Variants in CCND1 observed in about 807,000 individuals in gnomAD.
CCND1 encodes the protein G1/S-specific cyclin-D1.
Under a neutral mutation model 26.1 loss-of-function variants are expected in CCND1, and 9 were observed. The observed-to-expected ratio is 0.35, with a 90% confidence interval of 0.21 to 0.60. The LOEUF is 0.60. Among genes scored for constraint, CCND1 ranks in the 20% least tolerant of loss-of-function variants. The pLI is 0.79. For synonymous variants in CCND1, 194 were observed against 166.1 expected, an observed-to-expected ratio of 1.17 and a Z score of -1.29; for missense variants, 335 against 392.9, an observed-to-expected ratio of 0.85 and a Z score of 1.25.
In CCND1 at chr11:69,648,015, C is replaced by T. The variant is rs1222442441; in HGVS notation, c.596C>T (p.Pro199Leu). The change falls in exon 4 of 5, where the codon CCG (proline) becomes CTG (leucine). Residue 199 changes from proline (P) to leucine (L), a missense_variant. Physicochemically the swap from Pro to Leu is moderately conservative, Grantham distance 98 (BLOSUM62 -3). Transcript: ENST00000227507. Reference protein sequence around the residue: ...CATDVKFISNPPSMVAAGSVV... With the variant: ...CATDVKFISNLPSMVAAGSVV... The stretch of plus-strand genomic sequence containing the variant: ...TCAGATGTGAAGTTCATTTCCAATC[C>T]GCCCTCCATGGTGGCAGCGGGGAGC... The T allele has an allele frequency of 3.7e-6, 6 of 1,613,924 alleles. No individual in the cohort carries two copies. The highest frequency in any genetic ancestry group is 5.1e-6 in the Non-Finnish European group (6 of 1,180,004).
rs753115532 is a variant in CCND1, at chr11:69,643,142, G to A, written c.310G>A (p.Ala104Thr). The A allele has an allele frequency of 6.2e-7, 1 of 1,609,788 alleles. No homozygotes were observed. Among genetic ancestry groups the A allele is most frequent in the African/African-American group, 1.3e-5 (1 of 74,772 alleles). The change falls in exon 2 of 5, where the codon GCC becomes ACC. Residue 104 changes from alanine (A) to threonine (T), a missense_variant. By Grantham distance (58) the Ala-to-Thr change is moderately conservative. Coordinates refer to ENST00000227507, the MANE Select transcript of CCND1 (RefSeq NM_053056.3). ...VKKSRLQLLG[A>T]TCMFVASKMK... ...AAAGAGCCGCCTGCAGCTGCTGGGG[G>A]CCACTTGCATGTTCGTGGCCTCTAA...
Position 69,641,288 on chromosome 11 carries a change from C to T in CCND1, c.-26C>T, listed in dbSNP as rs373594707. 3 of 1,604,578 alleles carry T rather than the reference C, an allele frequency of 1.9e-6. No homozygotes were observed. The African/African-American group carries it at 4.0e-5, about 21-fold the overall frequency. On this transcript the variant is annotated 5_prime_UTR_variant, in exon 1 of 5. Coordinates refer to ENST00000227507, the MANE Select transcript of CCND1 (RefSeq NM_053056.3). ...ACCCAGCCAGGACCCACAGCCCTCC[C>T]CAGCTGCCCAGGAAGAGCCCCAGCC...
At position 69,654,345 on chromosome 11, in the gene CCND1, C is replaced by T. The variant is rs565242482; in HGVS notation, c.*3063C>T. On this transcript the variant is annotated 3_prime_UTR_variant, in exon 5 of 5. Transcript: ENST00000227507. The surrounding 1 kb of genome is among the most constrained non-coding windows in gnomAD (Gnocchi z 6.3). Reference sequence around the variant, plus strand: ...CGCGCAAGTCTGAGGGTCTGGGCGGCGGGCGGCTGGGTCTGTGCATTTCTG... The same window carrying T: ...CGCGCAAGTCTGAGGGTCTGGGCGGTGGGCGGCTGGGTCTGTGCATTTCTG... The T allele has an allele frequency of 4.0e-5, 28 of 702,488 alleles. No individual in the cohort carries two copies. The highest frequency in any genetic ancestry group is 2.0e-4 in the Admixed American group (10 of 50,004). The allele number at this position is 702,488 out of a possible 1,614,324, so 43.5% of individuals were successfully genotyped here.
At chr11:69,642,999 C>A (rs2120087559) in intron 1 of CCND1, 32 bp from the exon 2 acceptor site, 1 of 1,473,154 alleles carries the variant, frequency 6.8e-7, no homozygotes, top group Admixed American at 2.1e-5. Context: ...CGCGACCTGG[C>A]GGCGGCGGTC....
chr11:69,641,916 A>G (rs2120083776), intron 1 of CCND1, among the ~76,000 whole-genome samples: 1 of 151,710 alleles, frequency 6.6e-6, no homozygotes, highest in Admixed American at 6.6e-5. Context: ...TGATTTTTAA[A>G]TTAATATCCA....
chr11:69,646,530 C>T (rs543450135), intron 3 of CCND1, among the ~76,000 whole-genome samples: 1 of 152,222 alleles, frequency 6.6e-6, no homozygotes, highest in Non-Finnish European at 1.5e-5. Context: ...CCCCCGACCC[C>T]CCTTGTTCCC....
rs1855856399 is a variant in CCND1, at chr11:69,651,580, T to C, written c.*298T>C. On this transcript the variant is annotated 3_prime_UTR_variant, in exon 5 of 5. Coordinates refer to ENST00000227507, the MANE Select transcript of CCND1 (RefSeq NM_053056.3). ...GTGCTACAGATGATAGAGGATTTTA[T>C]ACCCCAATAATCAACTCGTTTTTAT... 3.2e-6 allele frequency: 1 copy of C among 313,588 alleles called. No individual in the cohort carries two copies. The allele number at this position is 313,588 out of a possible 1,614,324, so 19.4% of individuals were successfully genotyped here. A position where few individuals can be genotyped will look rare whatever the true frequency, so the allele number is the denominator to read the frequency against.
At chr11:69,644,102 C>T (rs1488537173) in intron 3 of CCND1, 111 bp downstream of exon 3, 3 of 1,042,562 alleles carry the variant, frequency 2.9e-6, no homozygotes, top group Non-Finnish European at 4.4e-6. Flanking sequence ...TGTCCCCAGA[C>T]CCCCTCCTGC....
chr11:69,648,497 C>T (rs1202497168), intron 4 of CCND1, among the ~76,000 whole-genome samples: 3 of 152,228 alleles, frequency 2.0e-5, no homozygotes, highest in African/African-American at 7.2e-5. Context: ...GTTTGGGCCA[C>T]AATGTGCGTG....
chr11:69,641,271 A>G lies in CCND1; in HGVS notation c.-43A>G, dbSNP rs2120079167. 2.5e-6 allele frequency: 4 copies of G among 1,577,696 alleles called. No homozygotes were observed. The highest frequency in any genetic ancestry group is 3.5e-6 in the Non-Finnish European group (4 of 1,156,558). On this transcript the variant is annotated 5_prime_UTR_variant, in exon 1 of 5. Transcript: ENST00000227507. ...GCGAGAGCCGAGCGCGGACCCAGCC[A>G]GGACCCACAGCCCTCCCCAGCTGCC...
rs760907398 is a variant in CCND1, at chr11:69,648,133, G to C, written c.714G>C (p.Lys238Asn). The C allele has an allele frequency of 8.7e-6, 14 of 1,613,868 alleles. No homozygotes were observed. The South Asian group carries it at 1.4e-4, about 16-fold the overall frequency. Residue 238 changes from lysine to asparagine, a missense_variant, in exon 4 of 5, where the codon AAG becomes AAC. Lys to Asn is a moderately conservative substitution (Grantham distance 94, BLOSUM62 0). Coordinates refer to ENST00000227507, the MANE Select transcript of CCND1 (RefSeq NM_053056.3). Reference sequence around the variant, plus strand: ...CACGCTTCCTCTCCAGAGTGATCAAGTGTGACCCGGTAAGTGAGGGTGATG... The same window carrying C: ...CACGCTTCCTCTCCAGAGTGATCAACTGTGACCCGGTAAGTGAGGGTGATG... ...RLTRFLSRVIKCDPDCLRACQ... is the reference protein window; with the variant it reads ...RLTRFLSRVINCDPDCLRACQ...
In CCND1 at chr11:69,641,285, T is replaced by G; in HGVS notation, c.-29T>G. The G allele has an allele frequency of 6.2e-7, 1 of 1,602,308 alleles. No homozygotes were observed. The highest frequency in any genetic ancestry group is 8.5e-7 in the Non-Finnish European group (1 of 1,176,280). ...CGGACCCAGCCAGGACCCACAGCCC[T>G]CCCCAGCTGCCCAGGAAGAGCCCCA... On this transcript the variant is annotated 5_prime_UTR_variant, in exon 1 of 5. Transcript: ENST00000227507.
chr11:69,649,033 C>T (rs1051865387), intron 4 of CCND1, among the ~76,000 whole-genome samples: 2 of 152,190 alleles, frequency 1.3e-5, no homozygotes, highest in African/African-American at 2.4e-5. Context: ...CGTGGGACAC[C>T]GAAGTTGGCA....
At chr11:69,645,731 C>T (rs1855769657) in intron 3 of CCND1, among the ~76,000 whole-genome samples, 1 of 152,188 alleles carries the variant, frequency 6.6e-6, no homozygotes, top group Non-Finnish European at 1.5e-5. Flanking sequence ...GAGGTGGAGG[C>T]GTGGGAAAGA....
rs1299784950 is a variant in CCND1 at position 69,651,910 on chromosome 11, G to A, written c.*628G>A. 4.3e-6 allele frequency: 1 copy of A among 232,960 alleles called. No individual in the cohort carries two copies. The highest frequency in any genetic ancestry group is 8.5e-6 in the Non-Finnish European group (1 of 117,938). The allele number at this position is 232,960 out of a possible 1,614,324, so 14.4% of individuals were successfully genotyped here. On this transcript the variant is annotated 3_prime_UTR_variant, in exon 5 of 5. Coordinates refer to ENST00000227507, the MANE Select transcript of CCND1 (RefSeq NM_053056.3). ...GTTATTATATTCCGTAGGTAGATGT[G>A]TAACCTCTTCACCTTATTCATGGCT...
Position 69,654,015 on chromosome 11 carries a change from A to G in CCND1, c.*2733A>G, listed in dbSNP as rs1161328012. The G allele has an allele frequency of 3.3e-6, 2 of 598,566 alleles. No individual in the cohort carries two copies. The highest frequency in any genetic ancestry group is 6.0e-6 in the Non-Finnish European group (2 of 335,760). 37.1% of individuals were successfully genotyped at this position (598,566 alleles called of 1,614,324 possible). A position where few individuals can be genotyped will look rare whatever the true frequency, so the allele number is the denominator to read the frequency against. On this transcript the variant is annotated 3_prime_UTR_variant, in exon 5 of 5. Coordinates refer to ENST00000227507, the MANE Select transcript of CCND1 (RefSeq NM_053056.3). The surrounding 1 kb of genome is among the most constrained non-coding windows in gnomAD (Gnocchi z 6.3). The stretch of plus-strand genomic sequence containing the variant: ...TGCTGTGTGCCCCGGTCACCTAGCA[A>G]GCTGCCGAACCAAAAGAATTTGCAC...
Position 69,641,588 on chromosome 11 carries a change from C to A in CCND1, c.198+77C>A, listed in dbSNP as rs1034932029. 7.4e-5 allele frequency: 99 copies of A among 1,336,964 alleles called. No homozygotes were observed. In the Middle Eastern group the frequency reaches 9.2e-4, roughly 12 times the overall value. 82.8% of individuals were successfully genotyped at this position (1,336,964 alleles called of 1,614,324 possible). A position where few individuals can be genotyped will look rare whatever the true frequency, so the allele number is the denominator to read the frequency against. ...GACCCACGTTTCTTTGCTACTCACC[C>A]CCCTCCCTTCTCTCCCGCTAGAACT... On this transcript the variant is annotated intron_variant, in intron 1 of 4. Coordinates refer to ENST00000227507, the MANE Select transcript of CCND1 (RefSeq NM_053056.3).
At chr11:69,649,732 C>G (rs1343834077) in intron 4 of CCND1, among the ~76,000 whole-genome samples, 1 of 152,148 alleles carries the variant, frequency 6.6e-6, no homozygotes, top group Non-Finnish European at 1.5e-5. Context: ...GTCCTGGAGT[C>G]TAGCTGCATG....
At chr11:69,649,870 G>A (rs917158501) in intron 4 of CCND1, among the ~76,000 whole-genome samples, 3 of 152,194 alleles carry the variant, frequency 2.0e-5, no homozygotes, top group African/African-American at 4.8e-5. Context: ...CAGGAGTCTT[G>A]TATCTCACCC....
Sources: gnomAD v4.1 joint callset for allele counts (sites outside exome capture counted in the v4.1 genomes callset) on GRCh38, gnomAD v4.1.1 for gene constraint, Gnocchi (gnomAD v3.1) non-coding constraint, MANE v1.5 for transcripts, NCBI Gene and HGNC (gene_info 2026-07-23, HGNC 2026-07-21) for gene names.